KLF13: variants seen among roughly 807,000 people sequenced by gnomAD.
The protein encoded by KLF13 is KLF transcription factor 13.
In KLF13, 8 loss-of-function variants were observed where a neutral mutation model predicts 16.7. The observed-to-expected ratio is 0.48, with a 90% CI of 0.28 to 0.87. The LOEUF (loss-of-function observed/expected upper bound fraction) is 0.87, where lower values mean the gene tolerates loss of function less well. KLF13 is among the 40% of genes least tolerant of loss of function. The probability of loss-of-function intolerance (pLI) is 0.10; values close to 1 mark genes in which losing one functional copy is unlikely to be tolerated. For missense variants in KLF13, 447 were observed against 452.2 expected, an observed-to-expected ratio of 0.99 and a Z score of 0.10; for synonymous variants, 245 against 208.4, an observed-to-expected ratio of 1.18 and a Z score of -1.51.
At chr15:31,426,486 C>T (rs962544914) in intron 1 of KLF13, among the ~76,000 whole-genome samples, 1 of 152,108 alleles carries the variant, frequency 6.6e-6, no homozygotes, top group Admixed American at 6.6e-5. Context: ...AAACCCTGTG[C>T]ATCAAATAAA....
intron 1 of KLF13, among the ~76,000 whole-genome samples, chr15:31,352,518 T>C (rs1331839162): frequency 6.6e-6 from 1 of 152,100 alleles, no homozygotes; most frequent in African/African-American, 2.4e-5. Context: ...CAGCAGCTGC[T>C]GAGATTAGCG....
chr15:31,420,843 C>A (rs2040313867), intron 1 of KLF13, among the ~76,000 whole-genome samples: 1 of 152,112 alleles, frequency 6.6e-6, no homozygotes, highest in South Asian at 2.1e-4. Context: ...CAAGCACCTG[C>A]CACCATGCCC....
intron 1 of KLF13, among the ~76,000 whole-genome samples, chr15:31,416,701 C>T (rs930458967): frequency 6.6e-6 from 1 of 151,896 alleles, no homozygotes; most frequent in African/African-American, 2.4e-5. Flanking sequence ...AAAAATGGAC[C>T]AAAATACTCT....
rs539767704 is a variant in KLF13 at position 31,366,958 on chromosome 15, G to A, written c.578-5052G>A. 5.2e-5 allele frequency among the ~76,000 whole-genome samples: 8 copies of A among 152,392 alleles called. 1 individual carries two copies. Among genetic ancestry groups the A allele is most frequent in the Middle Eastern group, 3.4e-3 (1 of 294 alleles). ...TGCAGATGCTACAGGATGTGTGACA[G>A]CACCACGACGACTGGAATGCGTGCT... is the stretch of plus-strand genomic sequence containing the variant. On this transcript the variant is annotated intron_variant, in intron 1 of 1. Transcript: ENST00000307145.
At chr15:31,433,030 C>T (rs1029138004) in intron 1 of KLF13, among the ~76,000 whole-genome samples, 6 of 152,162 alleles carry the variant, frequency 3.9e-5, no homozygotes, top group African/African-American at 1.4e-4. Context: ...GGCGACAGAG[C>T]GAGACTCTGC....
chr15:31,358,542 C>T (rs1443277442), intron 1 of KLF13, among the ~76,000 whole-genome samples: 2 of 152,234 alleles, frequency 1.3e-5, no homozygotes, highest in Non-Finnish European at 2.9e-5. Flanking sequence ...TACCATCTCT[C>T]TATCTTCTTT....
chr15:31,354,902 C>A (rs867856816), intron 1 of KLF13, among the ~76,000 whole-genome samples: 1 of 152,050 alleles, frequency 6.6e-6, no homozygotes, highest in Non-Finnish European at 1.5e-5. Flanking sequence ...AAGCCTGATA[C>A]GTCTAATTTT....
intron 1 of KLF13, among the ~76,000 whole-genome samples, chr15:31,342,519 G>C (rs2039044289): frequency 6.6e-6 from 1 of 152,202 alleles, no homozygotes; most frequent in African/African-American, 2.4e-5. Flanking sequence ...GCTCCTTCAA[G>C]TGGGGCGAGC....
intron 1 of KLF13, among the ~76,000 whole-genome samples, chr15:31,421,589 G>C (rs534793297): frequency 6.6e-6 from 1 of 151,854 alleles, no homozygotes; most frequent in Admixed American, 6.6e-5. Context: ...ATAATGATAA[G>C]GTATTATACT....
At chr15:31,408,361 T>A (rs2040152540), downstream of KLF13, among the ~76,000 whole-genome samples, 1 of 152,104 alleles carries the variant, frequency 6.6e-6, no homozygotes, top group Non-Finnish European at 1.5e-5. Context: ...TTCTCCCCTA[T>A]CCCTCCCTTG....
At chr15:31,341,146 G>A (rs1473343578) in intron 1 of KLF13, among the ~76,000 whole-genome samples, 6 of 152,170 alleles carry the variant, frequency 3.9e-5, no homozygotes, top group Non-Finnish European at 7.3e-5. Flanking sequence ...TCAGAGAAAG[G>A]CCTTCTTGTC....
At chr15:31,430,299 A>C (rs1368958061) in intron 1 of KLF13, among the ~76,000 whole-genome samples, 1 of 152,200 alleles carries the variant, frequency 6.6e-6, no homozygotes, top group Non-Finnish European at 1.5e-5. Context: ...TCAATAAGAG[A>C]GAGAACAATG....
intron 1 of KLF13, among the ~76,000 whole-genome samples, chr15:31,331,413 A>G (rs771233875): frequency 3.9e-5 from 6 of 152,202 alleles, no homozygotes; most frequent in Non-Finnish European, 8.8e-5. Flanking sequence ...TGAAGCAAGG[A>G]TTTGATCCTG....
Position 31,327,620 on chromosome 15 carries a change from G to T in KLF13, c.408G>T (p.Glu136Asp), listed in dbSNP as rs1029750488. The T allele has an allele frequency of 8.2e-6, 11 of 1,346,616 alleles. No homozygotes were observed. Among genetic ancestry groups the T allele is most frequent in the Middle Eastern group, 2.6e-4 (1 of 3,898 alleles). 83.4% of individuals were successfully genotyped at this position (1,346,616 alleles called of 1,614,324 possible). Residue 136 changes from glutamate to aspartate, a missense_variant, in exon 1 of 2, where the codon GAG (glutamate) becomes GAT (aspartate). Glu to Asp is a conservative substitution (Grantham distance 45). This residue lies in a region of KLF13 where 359 missense variants were observed against 282.8 expected (regional missense o/e 1.27). Coordinates refer to ENST00000307145, the MANE Select transcript of KLF13 (RefSeq NM_015995.4). Reference protein sequence around the residue: ...EPEAGLEPEREPGPAGSGEPG... With the variant: ...EPEAGLEPERDPGPAGSGEPG... Reference sequence around the variant, plus strand: ...AGGCGGGGCTGGAGCCCGAGCGGGAGCCGGGGCCCGCGGGGAGCGGCGAGC... The same window carrying T: ...AGGCGGGGCTGGAGCCCGAGCGGGATCCGGGGCCCGCGGGGAGCGGCGAGC...
chr15:31,335,478 T>TGTGG (rs2038915645), intron 1 of KLF13, among the ~76,000 whole-genome samples: 1 of 5,690 alleles, frequency 1.8e-4, no homozygotes, highest in African/African-American at 6.8e-4. Context: ...TGTGTGTGTA[T>TGTGG]GGTGGCGGGG....
chr15:31,424,203 T>C (rs149115959), intron 1 of KLF13, among the ~76,000 whole-genome samples: 1 of 152,024 alleles, frequency 6.6e-6, no homozygotes, highest in African/African-American at 2.4e-5. Context: ...TTTTAAAAAA[T>C]TGAAGAAAAA....
chr15:31,378,617 G>A (rs1214309103), downstream of KLF13, among the ~76,000 whole-genome samples: 2 of 152,212 alleles, frequency 1.3e-5, no homozygotes, highest in Non-Finnish European at 2.9e-5. Flanking sequence ...TAGAAGGGAG[G>A]TGCTGGTGCA....
chr15:31,414,111 T>C (rs979126293), intron 1 of KLF13, among the ~76,000 whole-genome samples: 1 of 152,146 alleles, frequency 6.6e-6, no homozygotes, highest in Non-Finnish European at 1.5e-5. Flanking sequence ...TGTATAGGAA[T>C]AGTGTTCTTA....
chr15:31,366,504 TCTC>T (rs1252738693), intron 1 of KLF13: 1 of 152,262 alleles, frequency 6.6e-6, no homozygotes, highest in Non-Finnish European at 1.5e-5. Flanking sequence ...GAGTCTGGAA[TCTC>T]CTACTGGTTC....
Sources: allele counts gnomAD v4.1 joint callset (sites outside exome capture counted in the v4.1 genomes callset), GRCh38; gene constraint gnomAD v4.1.1; regional missense constraint gnomAD v4.1.1; transcripts MANE v1.5; gene names NCBI Gene and HGNC (gene_info 2026-07-23, HGNC 2026-07-21).